Variants in FUBP3 observed in about 807,000 individuals in gnomAD.
FUBP3 encodes the protein far upstream element-binding protein 3.
A neutral mutation model predicts 85.6 loss-of-function variants in FUBP3; 28 were observed. The ratio of observed to expected loss-of-function variants is 0.33; its 90% CI spans 0.24 to 0.45. The LOEUF (loss-of-function observed/expected upper bound fraction) is 0.45. Ranked by LOEUF, FUBP3 falls within the 20% of genes least tolerant of loss-of-function variation. The probability of loss-of-function intolerance (pLI) is 1.00; values close to 1 mark genes in which losing one functional copy is unlikely to be tolerated. For synonymous variants in FUBP3, 271 were observed against 271.4 expected (o/e 1.00, Z 0.01); for missense variants, 583 against 755.1 (o/e 0.77, Z 2.67).
chr9:130,617,906 G>C lies in FUBP3; in HGVS notation c.666+11G>C, dbSNP rs375054207. On this transcript the variant is annotated intron_variant, in intron 8 of 18. Coordinates refer to ENST00000319725, the MANE Select transcript of FUBP3 (RefSeq NM_003934.2). ...GCATTTAAAGTACAGGTAGGAAAGT[G>C]CCATGGGTTGGGTGAGTCCTGGCTG... 66 of 1,421,034 alleles carry C rather than the reference G, an allele frequency of 4.6e-5. No individual in the cohort carries two copies. The African/African-American group carries it at 9.0e-4, about 19-fold the overall frequency. The allele number at this position is 1,421,034 out of a possible 1,614,324, so 88.0% of individuals were successfully genotyped here.
chr9:130,592,661 A>G (rs1830680287), intron 1 of FUBP3, among the ~76,000 whole-genome samples: 1 of 152,140 alleles, frequency 6.6e-6, no homozygotes, highest in Admixed American at 6.5e-5. Flanking sequence ...CTCCTGCCTC[A>G]GCCTCCTGAG....
At chr9:130,602,544 C>T (rs1831208233) in intron 2 of FUBP3, among the ~76,000 whole-genome samples, 1 of 152,066 alleles carries the variant, frequency 6.6e-6, no homozygotes, top group South Asian at 2.1e-4. Context: ...ACCTGCACCC[C>T]AGGCAGGTGC....
chr9:130,617,560 T>C lies in FUBP3; in HGVS notation c.568-237T>C, dbSNP rs560967895. 3.9e-5 allele frequency among the ~76,000 whole-genome samples: 6 copies of C among 152,358 alleles called. No homozygotes were observed. In the East Asian group the frequency reaches 1.2e-3, roughly 29 times the overall value. ...AAGTAGCTCCTTAGTGCTTAGATGC[T>C]CCAGGGACTGGAATCATTTTAGGAG... On this transcript the variant is annotated intron_variant, in intron 7 of 18. Coordinates refer to ENST00000319725, the MANE Select transcript of FUBP3 (RefSeq NM_003934.2).
At chr9:130,593,264 A>G (rs1490069225) in intron 1 of FUBP3, among the ~76,000 whole-genome samples, 1 of 152,126 alleles carries the variant, frequency 6.6e-6, no homozygotes, top group Non-Finnish European at 1.5e-5. Flanking sequence ...TGATCAGTTT[A>G]TTGATTACCT....
At chr9:130,621,507 G>A (rs955318408) in intron 9 of FUBP3, among the ~76,000 whole-genome samples, 14 of 152,116 alleles carry the variant, frequency 9.2e-5, no homozygotes, top group African/African-American at 3.1e-4. Context: ...TGTATGGTGT[G>A]TTTATTGGAA....
intron 6 of FUBP3, among the ~76,000 whole-genome samples, 193 bp downstream of exon 6, chr9:130,614,538 A>G (rs1314337278): frequency 1.3e-5 from 2 of 152,174 alleles, no homozygotes; most frequent in Non-Finnish European, 2.9e-5. Context: ...TACACGAGAT[A>G]TCACATTTGT....
intron 1 of FUBP3, among the ~76,000 whole-genome samples, chr9:130,588,631 A>T (rs992581571): frequency 2.6e-5 from 4 of 152,220 alleles, no homozygotes; most frequent in African/African-American, 9.6e-5. Context: ...AATTCCAGGC[A>T]AACTGGTTCC....
In FUBP3 at chr9:130,612,493, A is replaced by G; in HGVS notation, c.262A>G (p.Met88Val). The G allele has an allele frequency of 1.9e-6, 3 of 1,591,530 alleles. No individual in the cohort carries two copies. The highest frequency in any genetic ancestry group is 2.6e-6 in the Non-Finnish European group (3 of 1,160,372). ...ITEEFKVPDKMVGFIIGRGGE... is the reference protein window; with the variant it reads ...ITEEFKVPDKVVGFIIGRGGE... ...GGAAGAATTCAAAGTGCCTGACAAAATGGTTGGATTTAGTAAGTATCCATG... is the reference window on the plus strand; with the variant it reads ...GGAAGAATTCAAAGTGCCTGACAAAGTGGTTGGATTTAGTAAGTATCCATG... Residue 88 changes from methionine (M) to valine (V), a missense_variant, in exon 4 of 19, where the codon ATG becomes GTG. Physicochemically the swap from Met to Val is conservative, Grantham distance 21. Transcript: ENST00000319725. The surrounding 1 kb of genome is among the most constrained non-coding windows in gnomAD (Gnocchi z 4.1).
intron 2 of FUBP3, among the ~76,000 whole-genome samples, chr9:130,604,988 C>A (rs771455232): frequency 2.0e-5 from 3 of 151,848 alleles, no homozygotes; most frequent in Non-Finnish European, 4.4e-5. Context: ...TATTAAAACA[C>A]ATATGTGACT....
At chr9:130,622,661 A>G in intron 9 of FUBP3, 47 bp from the exon 10 acceptor site, 1 of 928,548 alleles carries the variant, frequency 1.1e-6, no homozygotes, top group Non-Finnish European at 1.7e-6. Flanking sequence ...CTTTAAAAAG[A>G]CAGGTTTGTG....
chr9:130,616,643 GCTT>G lies in FUBP3; in HGVS notation c.567+128_567+130del. 1 of 825,630 alleles carries G rather than the reference GCTT, an allele frequency of 1.2e-6. No individual in the cohort carries two copies. Among genetic ancestry groups the G allele is most frequent in the Non-Finnish European group, 1.9e-6 (1 of 522,664 alleles). The allele number at this position is 825,630 out of a possible 1,614,324, so 51.1% of individuals were successfully genotyped here. On this transcript the variant is annotated intron_variant, in intron 7 of 18. Transcript: ENST00000319725. The surrounding 1 kb of genome is among the most constrained non-coding windows in gnomAD (Gnocchi z 4.7). ...TGGCTTTGTGCAGCATTGTGCTGAG[GCTT>G]CCTTCCTCCATTTGACAGACAGCTT...
rs1368093209 is a variant in FUBP3 at position 130,616,582 on chromosome 9, G to C, written c.567+65G>C. The C allele has an allele frequency of 1.1e-5, 16 of 1,488,608 alleles. No individual in the cohort carries two copies. The highest frequency in any genetic ancestry group is 1.5e-5 in the Non-Finnish European group (16 of 1,070,558). The allele number at this position is 1,488,608 out of a possible 1,614,324, so 92.2% of individuals were successfully genotyped here. A position where few individuals can be genotyped will look rare whatever the true frequency, so the allele number is the denominator to read the frequency against. ...AGCAGGTCTTCAGCTTCCTGGCCCA[G>C]GAGATCTGCTTACGGCTGGCATTCC... On this transcript the variant is annotated intron_variant, in intron 7 of 18. Transcript: ENST00000319725. The surrounding 1 kb of genome is among the most constrained non-coding windows in gnomAD (Gnocchi z 4.7).
At chr9:130,603,886 C>G (rs1164459706) in intron 2 of FUBP3, among the ~76,000 whole-genome samples, 1 of 152,194 alleles carries the variant, frequency 6.6e-6, no homozygotes, top group African/African-American at 2.4e-5. Flanking sequence ...CAGTCCACAA[C>G]TGCACTGTTG....
At chr9:130,579,993 G>GA (rs1830064759) in intron 1 of FUBP3, among the ~76,000 whole-genome samples, 1 of 152,360 alleles carries the variant, frequency 6.6e-6, no homozygotes, top group Admixed American at 6.5e-5. Context: ...GAAGTCGCTG[G>GA]GAAAGGGTTT....
At chr9:130,629,803 G>T (rs1830138019) in intron 12 of FUBP3, among the ~76,000 whole-genome samples, 1 of 152,228 alleles carries the variant, frequency 6.6e-6, no homozygotes, top group Admixed American at 6.5e-5. Flanking sequence ...TGTGCTCCAA[G>T]TTATCCTTGT....
chr9:130,608,628 G>T (rs1831580850), intron 2 of FUBP3, among the ~76,000 whole-genome samples: 1 of 152,184 alleles, frequency 6.6e-6, no homozygotes, highest in Non-Finnish European at 1.5e-5. Flanking sequence ...TAGGCAAAGA[G>T]AAAATTTTAA....
At chr9:130,625,609 C>T (rs369425396) in intron 11 of FUBP3, among the ~76,000 whole-genome samples, 60 of 152,304 alleles carry the variant, frequency 3.9e-4, no homozygotes, top group African/African-American at 1.2e-3. Context: ...CCGCGGACAG[C>T]GGCTGGAATG....
At chr9:130,620,507 T>C in intron 9 of FUBP3, 49 bp downstream of exon 9, 1 of 889,318 alleles carries the variant, frequency 1.1e-6, no homozygotes, top group South Asian at 1.5e-5. Flanking sequence ...GGACTAAAGT[T>C]GTAGGTCACA....
chr9:130,636,620 G>A (rs922067954), intron 18 of FUBP3, among the ~76,000 whole-genome samples: 9 of 152,252 alleles, frequency 5.9e-5, no homozygotes, highest in African/African-American at 2.2e-4. Flanking sequence ...CTGTTCAGAG[G>A]CCAAAAACGG....
Sources: allele counts gnomAD v4.1 joint callset (sites outside exome capture counted in the v4.1 genomes callset), GRCh38; gene constraint gnomAD v4.1.1; non-coding constraint Gnocchi (gnomAD v3.1); transcripts MANE v1.5; gene names NCBI Gene and HGNC (gene_info 2026-07-23, HGNC 2026-07-21).